Variants in DENND3 observed in about 807,000 individuals in gnomAD.
DENND3 encodes the protein DENN domain-containing protein 3.
DENND3 carries 88 observed loss-of-function variants against 135.1 expected under a neutral mutation model. That is an observed-to-expected ratio of 0.65 (90% CI 0.55 to 0.78). The LOEUF (loss-of-function observed/expected upper bound fraction) is 0.78, where lower values mean the gene tolerates loss of function less well. Among genes scored for constraint, DENND3 ranks in the 30% least tolerant of loss-of-function variants. DENND3 has a pLI of 0.00. For synonymous variants in DENND3, 693 were observed against 712.3 expected (o/e 0.97, Z 0.43); for missense variants, 1,392 against 1,688.4 (o/e 0.82, Z 3.08).
chr8:141,165,275 G>A lies in DENND3; in HGVS notation c.1539G>A (p.Gln513=). 6.2e-7 allele frequency: 1 copy of A among 1,614,096 alleles called. No homozygotes were observed. The highest frequency in any genetic ancestry group is 8.5e-7 in the Non-Finnish European group (1 of 1,179,942). Residue 513 remains glutamine, a synonymous_variant, in exon 11 of 23, where the codon CAG becomes CAA. Coordinates refer to ENST00000519811, the MANE Select transcript of DENND3 (RefSeq NM_001352890.3). Reference sequence around the variant, plus strand: ...TTGCTCAGATGGACCTCGACACCCAGTCGGAGGAGGACAGGTGCTTCACTG... The same window carrying A: ...TTGCTCAGATGGACCTCGACACCCAATCGGAGGAGGACAGGTGCTTCACTG... ...DAFAQMDLDT[Q]SEEDRINGML... is the part of the protein sequence containing the mutation.
rs1176727970 is a variant in DENND3, at chr8:141,144,760, A to G, written c.735+501A>G. ...ATGGAGATCCTAAGACCGACAGAAC[A>G]GACTCTCTGTGGCCATAAGATTCCA... is the stretch of plus-strand genomic sequence containing the variant. On this transcript the variant is annotated intron_variant, in intron 5 of 22. Transcript: ENST00000519811. This position sits in a 1 kb window ranked among gnomAD's most constrained non-coding sequence, Gnocchi z 4.4. Among the ~76,000 whole-genome samples, 2 of 152,190 alleles carry G rather than the reference A, an allele frequency of 1.3e-5. No individual in the cohort carries two copies. The highest frequency in any genetic ancestry group is 2.9e-5 in the Non-Finnish European group (2 of 68,028).
chr8:141,167,889 C>T lies in DENND3; in HGVS notation c.1754-115C>T. 2.8e-6 allele frequency: 4 copies of T among 1,434,836 alleles called. No individual in the cohort carries two copies. In the East Asian group the frequency reaches 9.2e-5, roughly 33 times the overall value. The allele number at this position is 1,434,836 out of a possible 1,614,324, so 88.9% of individuals were successfully genotyped here. On this transcript the variant is annotated intron_variant, in intron 12 of 22. Transcript: ENST00000519811. This position sits in a 1 kb window ranked among gnomAD's most constrained non-coding sequence, Gnocchi z 4.1. ...GCTTTCTGGAGGGAGCACACCCATT[C>T]TCATTTTATTTTGCATCCAGAGAAA...
rs1048614081 is a variant in DENND3, at chr8:141,174,295, G to A, written c.2276-905G>A. Among the ~76,000 whole-genome samples, 1 of 152,168 alleles carries A rather than the reference G, an allele frequency of 6.6e-6. No individual in the cohort carries two copies. The highest frequency in any genetic ancestry group is 6.5e-5 in the Admixed American group (1 of 15,282). ...TGAGAAAAGTGGCTCTGAGTGCCAC[G>A]CAAAGCAGGCTGTGAGTGCGGGTGG... On this transcript the variant is annotated intron_variant, in intron 13 of 22. Coordinates refer to ENST00000519811, the MANE Select transcript of DENND3 (RefSeq NM_001352890.3). This position sits in a 1 kb window ranked among gnomAD's most constrained non-coding sequence, Gnocchi z 4.6.
Position 141,190,405 on chromosome 8 carries a change from C to T in DENND3, c.3367C>T (p.Arg1123Cys), listed in dbSNP as rs775372766. ...GLTSIRLHGG[R>C]LWCCTGNSIM... The stretch of plus-strand genomic sequence containing the variant: ...GACGTCCATCAGACTGCACGGCGGC[C>T]GCCTGTGGTGCTGTAAGTCCGGCCC... The change falls in exon 20 of 23, where the codon CGC (arginine) becomes TGC (cysteine). Residue 1123 changes from arginine to cysteine, a missense_variant. Physicochemically the swap from Arg to Cys is radical, Grantham distance 180. Transcript: ENST00000519811. 1.3e-5 allele frequency: 21 copies of T among 1,609,594 alleles called. No individual in the cohort carries two copies. The highest frequency in any genetic ancestry group is 6.6e-5 in the South Asian group (6 of 90,246).
chr8:141,149,352 T>C (rs890169077), intron 5 of DENND3, among the ~76,000 whole-genome samples: 2 of 152,200 alleles, frequency 1.3e-5, no homozygotes, highest in African/African-American at 4.8e-5. Context: ...ACAAAATCAA[T>C]TTCACCATAA....
rs1269056837 is a variant in DENND3 at position 141,176,477 on chromosome 8, C to T, written c.2536-114C>T. On this transcript the variant is annotated intron_variant, in intron 14 of 22. Coordinates refer to ENST00000519811, the MANE Select transcript of DENND3 (RefSeq NM_001352890.3). The stretch of plus-strand genomic sequence containing the variant: ...CTGCCTTCCACATGCCAGCAGGATG[C>T]GTGCCTGCAGCCCATCTGCCTCTTC... The T allele has an allele frequency of 1.8e-5, 23 of 1,291,678 alleles. No individual in the cohort carries two copies. The East Asian group carries it at 3.2e-4, about 18-fold the overall frequency. The allele number at this position is 1,291,678 out of a possible 1,614,324, so 80.0% of individuals were successfully genotyped here. A position where few individuals can be genotyped will look rare whatever the true frequency, so the allele number is the denominator to read the frequency against.
chr8:141,178,319 T>G (rs956620917), intron 16 of DENND3, 123 bp downstream of exon 16: 1 of 1,387,472 alleles, frequency 7.2e-7, no homozygotes, highest in Non-Finnish European at 9.6e-7. Flanking sequence ...TTTTCTTTTA[T>G]ATTTGTAATT....
chr8:141,131,446 A>C (rs1379656532), intron 1 of DENND3, among the ~76,000 whole-genome samples: 3 of 152,214 alleles, frequency 2.0e-5, no homozygotes, highest in Non-Finnish European at 4.4e-5. Flanking sequence ...GTTTCAGAAC[A>C]GCACTGGCCA....
At position 141,128,988 on chromosome 8, in the gene DENND3, G is replaced by T. The variant is rs1005707099; in HGVS notation, c.102+179G>T. ...GGGGATCGCGCCCGAGCTCAGGCAG[G>T]TGCCCTGGAGCAGCGCCCTGCTCCC... is the stretch of plus-strand genomic sequence containing the variant. On this transcript the variant is annotated intron_variant, in intron 1 of 22. Transcript: ENST00000519811. The surrounding 1 kb of genome is among the most constrained non-coding windows in gnomAD (Gnocchi z 4.5). Among the ~76,000 whole-genome samples the T allele has an allele frequency of 6.6e-6, 1 of 152,236 alleles. No individual in the cohort carries two copies. Among genetic ancestry groups the T allele is most frequent in the Admixed American group, 6.5e-5 (1 of 15,290 alleles).
intron 5 of DENND3, 82 bp from the exon 6 acceptor site, chr8:141,150,752 G>A (rs1818697977): frequency 6.9e-7 from 1 of 1,458,828 alleles, no homozygotes; most frequent in South Asian, 1.5e-5. Context: ...GATGCCCTGG[G>A]CACCGAAATA....
Position 141,144,558 on chromosome 8 carries a change from C to A in DENND3, c.735+299C>A, listed in dbSNP as rs1364557044. 6.6e-6 allele frequency among the ~76,000 whole-genome samples: 1 copy of A among 151,934 alleles called. No individual in the cohort carries two copies. Among genetic ancestry groups the A allele is most frequent in the Non-Finnish European group, 1.5e-5 (1 of 67,988 alleles). ...GGGTGTTTGTGTATAGGGTTGTAAACTAAAACGAAAATCCTAAGCCTCCCT... is the reference window on the plus strand; with the variant it reads ...GGGTGTTTGTGTATAGGGTTGTAAAATAAAACGAAAATCCTAAGCCTCCCT... On this transcript the variant is annotated intron_variant, in intron 5 of 22. Transcript: ENST00000519811. This position sits in a 1 kb window ranked among gnomAD's most constrained non-coding sequence, Gnocchi z 4.4.
intron 18 of DENND3, among the ~76,000 whole-genome samples, chr8:141,186,366 CA>C (rs1412274748): frequency 6.6e-6 from 1 of 152,150 alleles, no homozygotes; most frequent in African/African-American, 2.4e-5. Flanking sequence ...GACCAGGGCC[CA>C]GCAAAACTCA....
In DENND3 at chr8:141,194,516, T is replaced by G. The variant is rs1825151000; in HGVS notation, c.*283T>G. ...TGATAACCTCTGCTGGGAGGTTACT[T>G]TGTTGCCTAGAAAGTTCTGGAATCC... is the stretch of plus-strand genomic sequence containing the variant. On this transcript the variant is annotated 3_prime_UTR_variant, in exon 23 of 23. Coordinates refer to ENST00000519811, the MANE Select transcript of DENND3 (RefSeq NM_001352890.3). The G allele has an allele frequency of 2.4e-6, 1 of 422,202 alleles. No individual in the cohort carries two copies. The highest frequency in any genetic ancestry group is 4.3e-6 in the Non-Finnish European group (1 of 230,394). The allele number at this position is 422,202 out of a possible 1,614,324, so 26.2% of individuals were successfully genotyped here.
In DENND3 at chr8:141,138,372, G is replaced by A. The variant is rs1178887380; in HGVS notation, c.501+235G>A. ...GTCCTGCTTCCCCTTCCTGCCTGGC[G>A]ATGGCTAATCTGCTTGCTTTTTTTT... On this transcript the variant is annotated intron_variant, in intron 3 of 22. Coordinates refer to ENST00000519811, the MANE Select transcript of DENND3 (RefSeq NM_001352890.3). The surrounding 1 kb of genome is among the most constrained non-coding windows in gnomAD (Gnocchi z 4.8). 6.6e-6 allele frequency among the ~76,000 whole-genome samples: 1 copy of A among 151,686 alleles called. No homozygotes were observed. The highest frequency in any genetic ancestry group is 1.5e-5 in the Non-Finnish European group (1 of 67,960).
At chr8:141,160,565 G>A (rs774235065) in intron 8 of DENND3, 67 bp from the exon 9 acceptor site, 62 of 1,462,550 alleles carry the variant, frequency 4.2e-5, no homozygotes, top group African/African-American at 8.4e-5. Context: ...CTGGTGGGCT[G>A]TGTGCTGGTG....
chr8:141,171,994 G>A (rs1392339274), intron 13 of DENND3, among the ~76,000 whole-genome samples: 1 of 151,384 alleles, frequency 6.6e-6, no homozygotes, highest in African/African-American at 2.4e-5. Flanking sequence ...CATGGTGGTG[G>A]CCGTGCACAG....
intron 9 of DENND3, among the ~76,000 whole-genome samples, chr8:141,162,867 T>C (rs1820305778): frequency 6.6e-6 from 1 of 152,164 alleles, no homozygotes; most frequent in South Asian, 2.1e-4. Flanking sequence ...TGAGCCAAGA[T>C]TGTGCCACTG....
intron 1 of DENND3, among the ~76,000 whole-genome samples, chr8:141,133,768 G>T (rs530328749): frequency 6.6e-6 from 1 of 152,330 alleles, no homozygotes; most frequent in South Asian, 2.1e-4. Flanking sequence ...GAACTGCACT[G>T]TGTTTGTTGC....
Position 141,128,632 on chromosome 8 carries a change from T to A in DENND3, c.-76T>A. The A allele has an allele frequency of 2.1e-6, 2 of 932,534 alleles. No individual in the cohort carries two copies. Among genetic ancestry groups the A allele is most frequent in the Non-Finnish European group, 2.7e-6 (2 of 731,404 alleles). 57.8% of individuals were successfully genotyped at this position (932,534 alleles called of 1,614,324 possible). On this transcript the variant is annotated 5_prime_UTR_variant, in exon 1 of 23. Transcript: ENST00000519811. This position sits in a 1 kb window ranked among gnomAD's most constrained non-coding sequence, Gnocchi z 4.5. ...GCCCCCGGCCCCCAGGCGGCGCGGC[T>A]GGTCCCCAGGGGTCTGCGGGCGACT...
Sources: allele counts gnomAD v4.1 joint callset (sites outside exome capture counted in the v4.1 genomes callset), GRCh38; gene constraint gnomAD v4.1.1; non-coding constraint Gnocchi (gnomAD v3.1); transcripts MANE v1.5; gene names NCBI Gene and HGNC (gene_info 2026-07-23, HGNC 2026-07-21).